AMBRA1: variants seen among roughly 807,000 people sequenced by gnomAD.
AMBRA1 encodes the protein activating molecule in BECN1-regulated autophagy protein 1.
A neutral mutation model predicts 125.4 loss-of-function variants in AMBRA1; 47 were observed. That is an observed-to-expected ratio of 0.37 (90% CI 0.30 to 0.48). The LOEUF (loss-of-function observed/expected upper bound fraction) is 0.48, where lower values mean the gene tolerates loss of function less well. AMBRA1 is among the 20% of genes least tolerant of loss of function. The probability of loss-of-function intolerance (pLI) is 0.99; values close to 1 mark genes in which losing one functional copy is unlikely to be tolerated. For synonymous variants in AMBRA1, 626 were observed against 655.5 expected (o/e 0.95, Z 0.69); for missense variants, 1,331 against 1,693.4 (o/e 0.79, Z 3.76).
intron 11 of AMBRA1, among the ~76,000 whole-genome samples, chr11:46,476,930 A>C (rs1949837570): frequency 6.6e-6 from 1 of 152,020 alleles, no homozygotes; most frequent in Admixed American, 6.6e-5. Context: ...AAGATGGTAA[A>C]ACCTTGTCTC....
Position 46,593,990 on chromosome 11 carries a change from C to G in AMBRA1, c.-283G>C. ...GCGGACAACTCAGCCCTCGACCCGG[C>G]GCCGCCGCCGCTCAGGAGACATCAA... On this transcript the variant is annotated 5_prime_UTR_variant, in exon 1 of 18. Transcript: ENST00000683756. The G allele has an allele frequency of 2.5e-6, 1 of 398,642 alleles. No individual in the cohort carries two copies. Among genetic ancestry groups the G allele is most frequent in the Non-Finnish European group, 4.4e-6 (1 of 226,080 alleles). 24.7% of individuals were successfully genotyped at this position (398,642 alleles called of 1,614,324 possible).
At chr11:46,463,394 T>A (rs896686435) in intron 11 of AMBRA1, among the ~76,000 whole-genome samples, 16 of 152,246 alleles carry the variant, frequency 1.1e-4, no homozygotes, top group African/African-American at 3.9e-4. Context: ...AATATATAGA[T>A]GCTCTGCTGT....
In AMBRA1 at chr11:46,542,950, G is replaced by A. The variant is rs144750570; in HGVS notation, c.1067C>T (p.Ser356Leu). ...TEPFHPPEQASSTQQDQGLLN... is the reference protein window; with the variant it reads ...TEPFHPPEQALSTQQDQGLLN... ...GAGGCCCTGGTCCTGCTGCGTTGACGAGGCCTGCTCCGGGGGATGGAAGGG... is the reference window on the plus strand; with the variant it reads ...GAGGCCCTGGTCCTGCTGCGTTGACAAGGCCTGCTCCGGGGGATGGAAGGG... Residue 356 changes from serine to leucine, a missense_variant, in exon 7 of 18, where the codon TCG (serine) becomes TTG (leucine). Physicochemically the swap from Ser to Leu is moderately radical, Grantham distance 145. Transcript: ENST00000683756. This position sits in a 1 kb window ranked among gnomAD's most constrained non-coding sequence, Gnocchi z 5.9. 1.1e-5 allele frequency: 18 copies of A among 1,607,858 alleles called. No homozygotes were observed. Among genetic ancestry groups the A allele is most frequent in the East Asian group, 2.2e-5 (1 of 44,886 alleles).
At chr11:46,535,970 C>T (rs1952457282) in intron 7 of AMBRA1, among the ~76,000 whole-genome samples, 1 of 152,110 alleles carries the variant, frequency 6.6e-6, no homozygotes, top group Admixed American at 6.5e-5. Context: ...CAGAGGTCAC[C>T]GGAGCTCAAG....
At chr11:46,518,450 A>C in intron 7 of AMBRA1, 1 of 156,704 alleles carries the variant, frequency 6.4e-6, no homozygotes, top group Non-Finnish European at 1.4e-5. Flanking sequence ...AAAAAAAAAA[A>C]AAAAGAATTA....
At chr11:46,485,598 G>C (rs1590929048) in intron 11 of AMBRA1, among the ~76,000 whole-genome samples, 2 of 152,180 alleles carry the variant, frequency 1.3e-5, no homozygotes, top group Non-Finnish European at 2.9e-5. Context: ...TAATTATTTT[G>C]TAATACCCAA....
intron 14 of AMBRA1, among the ~76,000 whole-genome samples, chr11:46,427,424 CAG>C (rs1418936674): frequency 6.6e-6 from 1 of 152,148 alleles, no homozygotes; most frequent in Non-Finnish European, 1.5e-5. Context: ...TAGTAAGAGA[CAG>C]AGCAAGAACA....
At chr11:46,506,572 A>T (rs776439438) in intron 9 of AMBRA1, among the ~76,000 whole-genome samples, 3 of 152,170 alleles carry the variant, frequency 2.0e-5, no homozygotes, top group Non-Finnish European at 2.9e-5. Flanking sequence ...GGGAGATGAG[A>T]ACTCTTAAGG....
At position 46,593,946 on chromosome 11, in the gene AMBRA1, G is replaced by A. The variant is rs1286835598; in HGVS notation, c.-239C>T. The A allele has an allele frequency of 7.5e-6, 3 of 398,508 alleles. No homozygotes were observed. Among genetic ancestry groups the A allele is most frequent in the Admixed American group, 8.8e-5 (2 of 22,718 alleles). The allele number at this position is 398,508 out of a possible 1,614,324, so 24.7% of individuals were successfully genotyped here. On this transcript the variant is annotated 5_prime_UTR_variant, in exon 1 of 18. Coordinates refer to ENST00000683756, the MANE Select transcript of AMBRA1 (RefSeq NM_001387011.1). ...GTTCTACCGACCGGCAGGAGAAGGC[G>A]GCTTGAGCGCGGGGCCTCGCGGACA...
At chr11:46,466,057 T>C (rs1949310466) in intron 11 of AMBRA1, among the ~76,000 whole-genome samples, 1 of 152,038 alleles carries the variant, frequency 6.6e-6, no homozygotes, top group Non-Finnish European at 1.5e-5. Flanking sequence ...GATGGCTGAG[T>C]GAGAACTGAA....
intron 11 of AMBRA1, among the ~76,000 whole-genome samples, chr11:46,472,072 A>G (rs1051490927): frequency 2.0e-5 from 3 of 152,246 alleles, no homozygotes; most frequent in Admixed American, 1.3e-4. Flanking sequence ...TTAGCCAGAG[A>G]TAGTCAAAGG....
At chr11:46,543,419 G>C (rs1952849936) in intron 6 of AMBRA1, 21 bp from the exon 7 acceptor site, 1 of 1,612,102 alleles carries the variant, frequency 6.2e-7, no homozygotes, top group East Asian at 2.2e-5. Context: ...GACCAGCATG[G>C]GGCAGGGGGT....
Position 46,408,510 on chromosome 11 carries a change from T to C in AMBRA1, c.3403+3A>G, listed in dbSNP as rs1946134852. ...ACCCCCTCCAGCGCCACATGGCTCC[T>C]ACCTTCACCAGGACCTGAGGCGGCT... On this transcript the variant is annotated splice_donor_region_variant and intron_variant, in intron 17 of 17. Coordinates refer to ENST00000683756, the MANE Select transcript of AMBRA1 (RefSeq NM_001387011.1). 6.5e-7 allele frequency: 1 copy of C among 1,542,728 alleles called. No individual in the cohort carries two copies. The highest frequency in any genetic ancestry group is 8.8e-7 in the Non-Finnish European group (1 of 1,140,586).
intron 1 of AMBRA1, among the ~76,000 whole-genome samples, chr11:46,577,219 A>G (rs376262629): frequency 6.6e-6 from 1 of 152,264 alleles, no homozygotes; most frequent in African/African-American, 2.4e-5. Flanking sequence ...ATGTTCTTCA[A>G]TGGATGAATG....
Position 46,542,541 on chromosome 11 carries a change from C to G in AMBRA1, c.1476G>C (p.Ser492=), listed in dbSNP as rs2864836. 6.2e-7 allele frequency: 1 copy of G among 1,613,024 alleles called. No individual in the cohort carries two copies. The highest frequency in any genetic ancestry group is 8.5e-7 in the Non-Finnish European group (1 of 1,180,038). The change falls in exon 7 of 18, where the codon TCG becomes TCC. Residue 492 remains serine, a synonymous_variant. Coordinates refer to ENST00000683756, the MANE Select transcript of AMBRA1 (RefSeq NM_001387011.1). The surrounding 1 kb of genome is among the most constrained non-coding windows in gnomAD (Gnocchi z 5.9). ...ACTGAAGCTCATGGCGAATGCTGCC[C>G]GAGTTGTTTTGGCTGGAGCCATTCC... The part of the protein sequence containing the change: ...DGGNGSSQNN[S]GSIRHELQCD...
At chr11:46,425,873 G>A (rs1198364480) in intron 14 of AMBRA1, among the ~76,000 whole-genome samples, 4 of 151,874 alleles carry the variant, frequency 2.6e-5, no homozygotes, top group African/African-American at 4.8e-5. Flanking sequence ...CGGGCTGGGC[G>A]TGGTGTCTCA....
intron 9 of AMBRA1, among the ~76,000 whole-genome samples, chr11:46,498,803 G>A (rs1220177767): frequency 6.6e-6 from 1 of 152,226 alleles, no homozygotes; most frequent in Non-Finnish European, 1.5e-5. Context: ...CCTCTTGACA[G>A]TATACAGTTG....
chr11:46,520,555 A>G (rs1356847444), intron 7 of AMBRA1, among the ~76,000 whole-genome samples: 1 of 147,288 alleles, frequency 6.8e-6, no homozygotes, highest in East Asian at 2.0e-4. Flanking sequence ...CCAGAAGTTC[A>G]CCCTCTCTTC....
At chr11:46,464,852 C>G (rs914077429) in intron 11 of AMBRA1, among the ~76,000 whole-genome samples, 2 of 152,000 alleles carry the variant, frequency 1.3e-5, no homozygotes, top group African/African-American at 4.8e-5. Flanking sequence ...TGAGACCATC[C>G]TGGCCAACAG....
Sources: gnomAD v4.1 joint callset for allele counts (sites outside exome capture counted in the v4.1 genomes callset) on GRCh38, gnomAD v4.1.1 for gene constraint, Gnocchi (gnomAD v3.1) non-coding constraint, MANE v1.5 for transcripts, NCBI Gene and HGNC (gene_info 2026-07-23, HGNC 2026-07-21) for gene names.